TMEM150C: variants seen among roughly 807,000 people sequenced by gnomAD.
TMEM150C encodes tentonin 3.
TMEM150C carries 10 observed loss-of-function variants against 29.9 expected under a neutral mutation model. The observed-to-expected ratio is 0.33, with a 90% CI of 0.21 to 0.57. The LOEUF is 0.57. Among genes scored for constraint, TMEM150C ranks in the 20% least tolerant of loss-of-function variants. The probability of loss-of-function intolerance (pLI) is 0.88; values close to 1 mark genes in which losing one functional copy is unlikely to be tolerated. For synonymous variants in TMEM150C, 101 were observed against 112.5 expected, an observed-to-expected ratio of 0.90 and a Z score of 0.64; for missense variants, 251 against 303.6, an observed-to-expected ratio of 0.83 and a Z score of 1.29.
At chr4:82,499,817 G>A (rs1408087107) in intron 5 of TMEM150C, among the ~76,000 whole-genome samples, 2 of 149,600 alleles carry the variant, frequency 1.3e-5, no homozygotes, top group Non-Finnish European at 3.0e-5. Flanking sequence ...TTTAAAGTTC[G>A]AAACTCAAAT....
intron 5 of TMEM150C, among the ~76,000 whole-genome samples, chr4:82,498,346 G>A (rs1026996346): frequency 6.6e-6 from 1 of 151,976 alleles, no homozygotes; most frequent in Non-Finnish European, 1.5e-5. Flanking sequence ...CTGGAGTGCA[G>A]TGGCGCAAAC....
intron 1 of TMEM150C, among the ~76,000 whole-genome samples, chr4:82,552,877 T>C (rs760653721): frequency 6.6e-6 from 1 of 152,156 alleles, no homozygotes; most frequent in African/African-American, 2.4e-5. Flanking sequence ...TGGGCAAAGG[T>C]CAATGGTCTG....
intron 1 of TMEM150C, among the ~76,000 whole-genome samples, chr4:82,514,052 G>A (rs187691387): frequency 2.4e-3 from 359 of 152,340 alleles, no homozygotes; most frequent in Middle Eastern, 6.8e-3. Flanking sequence ...CCACCAAGGC[G>A]GGGGATAACC....
chr4:82,538,244 G>A (rs1045714734), intron 1 of TMEM150C, among the ~76,000 whole-genome samples: 3 of 152,072 alleles, frequency 2.0e-5, no homozygotes, highest in Admixed American at 6.5e-5. Context: ...TTTTAGTAGA[G>A]GCAGGGTTTC....
chr4:82,548,325 C>G (rs968249232), intron 1 of TMEM150C, among the ~76,000 whole-genome samples: 3 of 152,176 alleles, frequency 2.0e-5, no homozygotes, highest in African/African-American at 7.2e-5. Flanking sequence ...ACCTCCTAAA[C>G]AGCTGAAATT....
intron 1 of TMEM150C, among the ~76,000 whole-genome samples, chr4:82,517,926 G>A (rs951495076): frequency 2.6e-5 from 4 of 152,326 alleles, no homozygotes; most frequent in South Asian, 2.1e-4. Flanking sequence ...AGCACGTAGA[G>A]CAATAACATA....
At chr4:82,535,838 T>A (rs1440036046) in intron 1 of TMEM150C, among the ~76,000 whole-genome samples, 1 of 152,208 alleles carries the variant, frequency 6.6e-6, no homozygotes, top group Non-Finnish European at 1.5e-5. Context: ...ATTAACATTT[T>A]AGCTGAATAA....
intron 1 of TMEM150C, among the ~76,000 whole-genome samples, chr4:82,509,461 C>T (rs1279139378): frequency 6.6e-6 from 1 of 152,106 alleles, no homozygotes; most frequent in Non-Finnish European, 1.5e-5. Context: ...ATTTAAGACT[C>T]TTAACTCCTT....
At chr4:82,528,948 A>G (rs1724745084) in intron 1 of TMEM150C, among the ~76,000 whole-genome samples, 1 of 152,214 alleles carries the variant, frequency 6.6e-6, no homozygotes, top group Non-Finnish European at 1.5e-5. Context: ...AAGGCAGGAG[A>G]CAACCAGGGT....
At chr4:82,504,863 T>C (rs1018383305) in intron 1 of TMEM150C, among the ~76,000 whole-genome samples, 196 bp from the exon 2 acceptor site, 1 of 152,100 alleles carries the variant, frequency 6.6e-6, no homozygotes, top group Non-Finnish European at 1.5e-5. Context: ...ACCCCGTCTC[T>C]ACTGAAAGTA....
intron 1 of TMEM150C, among the ~76,000 whole-genome samples, chr4:82,557,887 C>T (rs766780895): frequency 1.3e-5 from 2 of 151,884 alleles, no homozygotes; most frequent in Non-Finnish European, 2.9e-5. Context: ...TGCCACCATG[C>T]GCAGCTAATT....
chr4:82,487,444 G>A (rs963537655), intron 7 of TMEM150C, among the ~76,000 whole-genome samples: 7 of 152,134 alleles, frequency 4.6e-5, no homozygotes, highest in Admixed American at 3.9e-4. Flanking sequence ...ATGAGACCCT[G>A]TCTTAAATCA....
intron 1 of TMEM150C, among the ~76,000 whole-genome samples, chr4:82,545,521 A>G (rs575810529): frequency 6.6e-6 from 1 of 152,244 alleles, no homozygotes; most frequent in South Asian, 2.1e-4. Context: ...CCTATTTGAC[A>G]TAGTACTGGA....
At chr4:82,524,482 C>T (rs185078492) in intron 1 of TMEM150C, among the ~76,000 whole-genome samples, 1 of 152,136 alleles carries the variant, frequency 6.6e-6, no homozygotes, top group Non-Finnish European at 1.5e-5. Flanking sequence ...TCTTTTAAAT[C>T]GCAAACAAAT....
intron 1 of TMEM150C, among the ~76,000 whole-genome samples, chr4:82,548,672 C>T (rs1398249602): frequency 6.6e-6 from 1 of 152,150 alleles, no homozygotes; most frequent in East Asian, 1.9e-4. Context: ...GAAATAAGTG[C>T]AGCAGCTGGA....
rs542347300 is a variant in TMEM150C, at chr4:82,483,349, T to C, written c.*2162A>G. The C allele has an allele frequency of 6.6e-6, 1 of 152,316 alleles. No individual in the cohort carries two copies. Among genetic ancestry groups the C allele is most frequent in the East Asian group, 1.9e-4 (1 of 5,194 alleles). The allele number at this position is 152,316 out of a possible 1,614,324, so 9.4% of individuals were successfully genotyped here. ...TAAAAGAAAACTACATAAGTCTTTG[T>C]TCTTTGATAAAAATTTTAAAATATA... On this transcript the variant is annotated 3_prime_UTR_variant, in exon 8 of 8. Transcript: ENST00000449862.
chr4:82,559,469 C>T (rs902901188), intron 1 of TMEM150C, among the ~76,000 whole-genome samples: 2 of 152,014 alleles, frequency 1.3e-5, no homozygotes, highest in Non-Finnish European at 2.9e-5. Flanking sequence ...GCAGGAGAAT[C>T]GCTTGAACCC....
chr4:82,547,499 G>A (rs1725425806), intron 1 of TMEM150C, among the ~76,000 whole-genome samples: 1 of 152,014 alleles, frequency 6.6e-6, no homozygotes, highest in Non-Finnish European at 1.5e-5. Flanking sequence ...TGGGGCAGGA[G>A]AATAGCTTGA....
intron 5 of TMEM150C, among the ~76,000 whole-genome samples, chr4:82,499,719 C>CAAAAAAAAAAAAAAAAA: frequency 2.5e-5 from 1 of 40,288 alleles, no homozygotes; most frequent in Non-Finnish European, 4.2e-5. Context: ...ACTCCGTCTC[C>CAAAAAAAAAAAAAAAAA]AAAAAAAAAA....
Sources: allele counts gnomAD v4.1 joint callset (sites outside exome capture counted in the v4.1 genomes callset), GRCh38; gene constraint gnomAD v4.1.1; transcripts MANE v1.5; gene names NCBI Gene and HGNC (gene_info 2026-07-23, HGNC 2026-07-21).